Variants in WDR86 observed in about 807,000 individuals in gnomAD.
The protein encoded by WDR86 is WD repeat domain 86.
A neutral mutation model predicts 36.5 loss-of-function variants in WDR86; 30 were observed. The ratio of observed to expected loss-of-function variants is 0.82; its 90% CI spans 0.61 to 1.11. WDR86 has a LOEUF of 1.11. WDR86 is among the 50% of genes most tolerant of loss of function. The probability of loss-of-function intolerance (pLI) is 0.00; values close to 1 mark genes in which losing one functional copy is unlikely to be tolerated. For synonymous variants in WDR86, 255 were observed against 252.9 expected (o/e 1.01, Z -0.08); for missense variants, 545 against 561.2 (o/e 0.97, Z 0.29).
At position 151,381,612 on chromosome 7, in the gene WDR86, G is replaced by A. The variant is rs1013309598; in HGVS notation, c.1101C>T (p.Gly367=). 7.7e-5 allele frequency: 106 copies of A among 1,376,498 alleles called. No individual in the cohort carries two copies. In the Middle Eastern group the frequency reaches 1.3e-3, roughly 17 times the overall value. The allele number at this position is 1,376,498 out of a possible 1,614,324, so 85.3% of individuals were successfully genotyped here. Residue 367 remains glycine, a synonymous_variant, in exon 6 of 6, where the codon GGC becomes GGT. Coordinates refer to ENST00000334493, the MANE Select transcript of WDR86 (RefSeq NM_198285.3). This position sits in a 1 kb window ranked among gnomAD's most constrained non-coding sequence, Gnocchi z 4.8. ...CCGGCTGCAGGGGCGCGGCGGCGCA[G>A]CCCACCTTGTTGCTGAAGAGCCGCG... ...SLSRLFSNKV[G]CAAAPLQPA
At chr7:151,385,286 C>T (rs750745139) in intron 3 of WDR86, 63 bp from the exon 4 acceptor site, 2 of 1,597,088 alleles carry the variant, frequency 1.3e-6, no homozygotes, top group Non-Finnish European at 1.7e-6. Flanking sequence ...AGACCTCTCC[C>T]TCTATAAGGG....
chr7:151,381,767 G>A lies in WDR86; in HGVS notation c.967-21C>T, dbSNP rs768031604. Reference sequence around the variant, plus strand: ...TGCACCTGCGGGCGCAGGGGCGGGCGTCACCGGTGACGCGGTAGGCGGGGG... The same window carrying A: ...TGCACCTGCGGGCGCAGGGGCGGGCATCACCGGTGACGCGGTAGGCGGGGG... On this transcript the variant is annotated intron_variant, in intron 5 of 5. Coordinates refer to ENST00000334493, the MANE Select transcript of WDR86 (RefSeq NM_198285.3). The surrounding 1 kb of genome is among the most constrained non-coding windows in gnomAD (Gnocchi z 4.8). 4.0e-5 allele frequency: 59 copies of A among 1,487,650 alleles called. No individual in the cohort carries two copies. The highest frequency in any genetic ancestry group is 6.9e-5 in the Admixed American group (3 of 43,310). The allele number at this position is 1,487,650 out of a possible 1,614,324, so 92.2% of individuals were successfully genotyped here. A position where few individuals can be genotyped will look rare whatever the true frequency, so the allele number is the denominator to read the frequency against.
chr7:151,395,880 C>A lies in WDR86; in HGVS notation c.622G>T (p.Ala208Ser). The change falls in exon 3 of 6, where the codon GCC becomes TCC. Residue 208 changes from alanine to serine, a missense_variant. Transcript: ENST00000334493. ...CLVLDTPGHT[A>S]FTGSTDATIR... is the part of the protein sequence containing the mutation. ...GTGGCGTCGGTGCTGCCTGTGAAGGCCGTGTGGCCGGGCGTGTCTAGCACT... is the reference window on the plus strand; with the variant it reads ...GTGGCGTCGGTGCTGCCTGTGAAGGACGTGTGGCCGGGCGTGTCTAGCACT... The A allele has an allele frequency of 6.2e-7, 1 of 1,601,156 alleles. No homozygotes were observed. Among genetic ancestry groups the A allele is most frequent in the Non-Finnish European group, 8.5e-7 (1 of 1,176,076 alleles).
intron 1 of WDR86, chr7:151,408,716 C>T (rs1009574319): frequency 2.8e-6 from 1 of 357,296 alleles, no homozygotes; most frequent in Admixed American, 3.6e-5. Context: ...TGAAAGGGAC[C>T]TCACAGTGCA....
chr7:151,381,794 G>A lies in WDR86; in HGVS notation c.967-48C>T. The A allele has an allele frequency of 1.3e-6, 2 of 1,506,532 alleles. No homozygotes were observed. The highest frequency in any genetic ancestry group is 1.8e-4 in the Middle Eastern group (1 of 5,614). The allele number at this position is 1,506,532 out of a possible 1,614,324, so 93.3% of individuals were successfully genotyped here. A position where few individuals can be genotyped will look rare whatever the true frequency, so the allele number is the denominator to read the frequency against. ...CACCGGTGACGCGGTAGGCGGGGGG[G>A]ACACCGCTGCCCGCGTGGATGGATC... On this transcript the variant is annotated intron_variant, in intron 5 of 5. Transcript: ENST00000334493. The surrounding 1 kb of genome is among the most constrained non-coding windows in gnomAD (Gnocchi z 4.8).
chr7:151,381,975 G>T lies in WDR86; in HGVS notation c.869C>A (p.Thr290Lys). The T allele has an allele frequency of 6.2e-7, 1 of 1,601,674 alleles. No homozygotes were observed. Among genetic ancestry groups the T allele is most frequent in the Non-Finnish European group, 8.5e-7 (1 of 1,175,058 alleles). ...CCGGGCGCAAGCGTCCCCGCTGCCC[G>T]TGAACACTGCGGACACACAGCGCGC... is the stretch of plus-strand genomic sequence containing the variant. ...ALKYHAGTLF[T>K]GSGDACARAF... The change falls in exon 5 of 6, where the codon ACG becomes AAG. Residue 290 changes from threonine to lysine, a missense_variant. Coordinates refer to ENST00000334493, the MANE Select transcript of WDR86 (RefSeq NM_198285.3). This position sits in a 1 kb window ranked among gnomAD's most constrained non-coding sequence, Gnocchi z 4.8.
chr7:151,410,005 G>A lies in WDR86; in HGVS notation c.-416C>T. 3 of 998,834 alleles carry A rather than the reference G, an allele frequency of 3.0e-6. No homozygotes were observed. Among genetic ancestry groups the A allele is most frequent in the Non-Finnish European group, 3.6e-6 (3 of 839,248 alleles). The allele number at this position is 998,834 out of a possible 1,614,324, so 61.9% of individuals were successfully genotyped here. A position where few individuals can be genotyped will look rare whatever the true frequency, so the allele number is the denominator to read the frequency against. On this transcript the variant is annotated 5_prime_UTR_variant, in exon 1 of 6. Transcript: ENST00000334493. The stretch of plus-strand genomic sequence containing the variant: ...AGGAACACGGGAAGCCGAGCGCCCC[G>A]CGCCCTCCCCGGCCGAGCGCGGAAC...
chr7:151,399,725 C>G (rs546214146), intron 2 of WDR86, among the ~76,000 whole-genome samples: 69 of 152,376 alleles, frequency 4.5e-4, no homozygotes, highest in African/African-American at 1.6e-3. Flanking sequence ...CCTCCTCCTG[C>G]AAACCTTTGG....
chr7:151,374,333 C>T (rs1798105578), downstream of WDR86: 1 of 1,459,516 alleles, frequency 6.9e-7, no homozygotes, highest in Admixed American at 2.0e-5. Flanking sequence ...TCCTCCCGGG[C>T]TCACTCCTAT....
chr7:151,408,923 T>A, intron 1 of WDR86: 1 of 471,546 alleles, frequency 2.1e-6, no homozygotes, highest in Non-Finnish European at 4.4e-6. Context: ...GTATGTGGGG[T>A]AACATAGTGT....
chr7:151,397,613 G>A (rs565847907), intron 2 of WDR86, among the ~76,000 whole-genome samples: 88 of 151,204 alleles, frequency 5.8e-4, no homozygotes, highest in Non-Finnish European at 9.9e-4. Flanking sequence ...TGCAAAGTGC[G>A]GGAGGAAGAG....
At chr7:151,380,726 C>T (rs564448996), downstream of WDR86, among the ~76,000 whole-genome samples, 71 of 152,180 alleles carry the variant, frequency 4.7e-4, no homozygotes, top group Middle Eastern at 6.8e-3. Context: ...TTGCGCCTTC[C>T]AGCACCAGGC....
At chr7:151,370,083 T>G in the WDR86 span, among the ~76,000 whole-genome samples, 1 of 151,942 alleles carries the variant, frequency 6.6e-6, no homozygotes, top group African/African-American at 2.4e-5. Flanking sequence ...GCAGAGACTT[T>G]GAAAAGCTGA....
downstream of WDR86, chr7:151,374,506 T>C: frequency 7.2e-6 from 4 of 555,756 alleles, no homozygotes; most frequent in South Asian, 4.5e-5. Context: ...GGCCAGGACT[T>C]TGTGTAGGGT....
At chr7:151,403,597 G>A (rs550824799) in intron 1 of WDR86, among the ~76,000 whole-genome samples, 126 of 152,244 alleles carry the variant, frequency 8.3e-4, no homozygotes, top group South Asian at 7.3e-3. Context: ...CTCCCTGGAG[G>A]GCATATACCA....
chr7:151,401,922 G>A lies in WDR86; in HGVS notation c.164-1681C>T, dbSNP rs906427786. 1.3e-5 allele frequency among the ~76,000 whole-genome samples: 2 copies of A among 150,328 alleles called. No homozygotes were observed. The highest frequency in any genetic ancestry group is 2.4e-5 in the African/African-American group (1 of 40,854). On this transcript the variant is annotated intron_variant, in intron 1 of 5. Transcript: ENST00000334493. This position sits in a 1 kb window ranked among gnomAD's most constrained non-coding sequence, Gnocchi z 4.3. ...AAATTAGCCGGGCGTGGTGGTGGGC[G>A]CCTGTAATCCCAGCTACTCGGGAGG...
downstream of WDR86, chr7:151,374,210 C>G (rs375032507): frequency 1.5e-5 from 23 of 1,563,760 alleles, no homozygotes; most frequent in Non-Finnish European, 1.9e-5. Context: ...AGGTACTCCA[C>G]GCAGCCAGCG....
At chr7:151,395,700 T>C (rs1364680471) in intron 3 of WDR86, 76 bp downstream of exon 3, 4 of 1,444,616 alleles carry the variant, frequency 2.8e-6, no homozygotes, top group Middle Eastern at 2.5e-4. Flanking sequence ...GAATCACAGA[T>C]ACCCAGGGCA....
In WDR86 at chr7:151,396,062, G is replaced by A. The variant is rs752099154; in HGVS notation, c.440C>T (p.Ala147Val). ...RNCVLTLAYS[A>V]PWDLPSTPCA... Reference sequence around the variant, plus strand: ...GGGAGTGCTGGGGAGGTCCCACGGGGCAGAGTAGGCTAGGGTCAGCACGCA... The same window carrying A: ...GGGAGTGCTGGGGAGGTCCCACGGGACAGAGTAGGCTAGGGTCAGCACGCA... Residue 147 changes from alanine (A) to valine (V), a missense_variant, in exon 3 of 6, where the codon GCC (alanine) becomes GTC (valine). Transcript: ENST00000334493. 9.9e-6 allele frequency: 16 copies of A among 1,612,198 alleles called. No individual in the cohort carries two copies. The highest frequency in any genetic ancestry group is 2.7e-5 in the African/African-American group (2 of 74,950).
Sources: allele counts gnomAD v4.1 joint callset (sites outside exome capture counted in the v4.1 genomes callset), GRCh38; gene constraint gnomAD v4.1.1; non-coding constraint Gnocchi (gnomAD v3.1); transcripts MANE v1.5; gene names NCBI Gene and HGNC (gene_info 2026-07-23, HGNC 2026-07-21).